NRK: variants seen among roughly 807,000 people sequenced by gnomAD.
NRK encodes nik-related protein kinase.
NRK carries 67 observed loss-of-function variants against 125.2 expected under a neutral mutation model. The ratio of observed to expected loss-of-function variants is 0.54; its 90% CI spans 0.44 to 0.66. NRK has a LOEUF of 0.66. NRK is among the 30% of genes least tolerant of loss of function. The pLI, the probability that NRK is intolerant of heterozygous loss-of-function variation, is 0.00. For missense variants in NRK, 1,224 were observed against 1,192.9 expected (o/e 1.03, Z -0.38); for synonymous variants, 458 against 429.0 (o/e 1.07, Z -0.84).
intron 8 of NRK, among the ~76,000 whole-genome samples, chrX:105,899,610 C>T (rs1466014002): frequency 9.0e-6 from 1 of 111,686 alleles, no homozygotes; most frequent in East Asian, 2.8e-4. Flanking sequence ...AGGACTTTCA[C>T]CTGTATTCGT....
chrX:105,955,683 T>A lies in NRK; in HGVS notation c.*83T>A. 6.1e-6 allele frequency: 3 copies of A among 494,144 alleles called. No homozygotes were observed. In the South Asian group the frequency reaches 1.0e-4, roughly 17 times the overall value. 40.7% of individuals were successfully genotyped at this position (494,144 alleles called of 1,213,427 possible). On this transcript the variant is annotated 3_prime_UTR_variant, in exon 29 of 29. Coordinates refer to ENST00000243300, the MANE Select transcript of NRK (RefSeq NM_198465.4). ...TCAGATTTCAGAGATTAAATGAGTA[T>A]TCAGTTTTATTTTTAGTAAAGATTA...
In NRK at chrX:105,906,600, T is replaced by C; in HGVS notation, c.1021+11T>C. The stretch of plus-strand genomic sequence containing the variant: ...AAAGACAGAAAAAAGGTAGAATCTG[T>C]TAAGTTTTATTTTACTGAAATGAAT... On this transcript the variant is annotated intron_variant, in intron 11 of 28. Transcript: ENST00000243300. 1 of 924,077 alleles carries C rather than the reference T, an allele frequency of 1.1e-6. No individual in the cohort carries two copies. Among genetic ancestry groups the C allele is most frequent in the Non-Finnish European group, 1.5e-6 (1 of 679,895 alleles). The allele number at this position is 924,077 out of a possible 1,213,427, so 76.2% of individuals were successfully genotyped here.
At position 105,909,470 on chromosome X, in the gene NRK, T is replaced by C. The variant is rs767945338; in HGVS notation, c.1829T>C (p.Ile610Thr). 2.5e-6 allele frequency: 3 copies of C among 1,209,940 alleles called. No individual in the cohort carries two copies. In the East Asian group the frequency reaches 8.9e-5, roughly 36 times the overall value. Residue 610 changes from isoleucine to threonine, a missense_variant, in exon 13 of 29, where the codon ATT becomes ACT. Transcript: ENST00000243300. ...LPLHLDTQVLIPVEGQTEGSP... is the reference protein window; with the variant it reads ...LPLHLDTQVLTPVEGQTEGSP... The stretch of plus-strand genomic sequence containing the variant: ...CTACATTTGGATACTCAGGTGCTCA[T>C]TCCAGTAGAGGGGCAAACTGAAGGA...
chrX:105,840,550 A>G (rs2039318076), intron 2 of NRK, among the ~76,000 whole-genome samples: 1 of 111,467 alleles, frequency 9.0e-6, no homozygotes, highest in African/African-American at 3.2e-5. Context: ...AGATAAAAAC[A>G]TCCCAATTAT....
chrX:105,939,743 G>A, intron 22 of NRK, 131 bp from the exon 23 acceptor site: 3 of 411,047 alleles, frequency 7.3e-6, no homozygotes, highest in Non-Finnish European at 4.2e-6. Context: ...CTGATGCAAT[G>A]CAGTTTTTTT....
chrX:105,929,028 G>A (rs1459533364), intron 19 of NRK, among the ~76,000 whole-genome samples: 3 of 111,636 alleles, frequency 2.7e-5, no homozygotes, highest in Non-Finnish European at 5.7e-5. Context: ...TAAATCCAAT[G>A]TTTCTTTGTT....
At chrX:105,859,150 C>A (rs192722558) in intron 2 of NRK, among the ~76,000 whole-genome samples, 2 of 111,530 alleles carry the variant, frequency 1.8e-5, no homozygotes, top group Admixed American at 9.5e-5. Context: ...AAATAGATCT[C>A]TTTCAGTTAG....
chrX:105,942,724 T>C (rs759840362), intron 23 of NRK, among the ~76,000 whole-genome samples: 24 of 111,433 alleles, frequency 2.2e-4, no homozygotes, highest in African/African-American at 7.5e-4. Flanking sequence ...GTTCAAGATA[T>C]TCTCCTGCCT....
intron 2 of NRK, among the ~76,000 whole-genome samples, chrX:105,840,158 T>C (rs1311833858): frequency 9.0e-6 from 1 of 111,687 alleles, no homozygotes; most frequent in Non-Finnish European, 1.9e-5. Context: ...CTTTTTCTTA[T>C]TATGTTATAC....
At chrX:105,853,127 C>T (rs1805406039) in intron 2 of NRK, among the ~76,000 whole-genome samples, 1 of 111,608 alleles carries the variant, frequency 9.0e-6, no homozygotes, top group African/African-American at 3.3e-5. Flanking sequence ...TCTACTTTCA[C>T]ATGTTAATTC....
At chrX:105,941,596 C>T (rs1411901874) in intron 23 of NRK, among the ~76,000 whole-genome samples, 8 of 82,836 alleles carry the variant, frequency 9.7e-5, no homozygotes, top group African/African-American at 3.3e-4. Flanking sequence ...AGAGAGAATG[C>T]GTAGGGATGG....
intron 2 of NRK, among the ~76,000 whole-genome samples, chrX:105,847,451 G>T (rs1419401312): frequency 8.9e-6 from 1 of 112,355 alleles, no homozygotes; most frequent in Non-Finnish European, 1.9e-5. Flanking sequence ...AAATTTTCTA[G>T]TAGCTAGCTT....
intron 1 of NRK, among the ~76,000 whole-genome samples, chrX:105,828,548 T>C (rs2039145149): frequency 8.9e-6 from 1 of 112,249 alleles, no homozygotes; most frequent in Admixed American, 9.5e-5. Flanking sequence ...TATGGTATCT[T>C]TTCCAGCTAA....
intron 19 of NRK, among the ~76,000 whole-genome samples, chrX:105,929,333 A>G (rs189423750): frequency 5.4e-5 from 6 of 111,866 alleles, no homozygotes; most frequent in African/African-American, 1.9e-4. Flanking sequence ...TTCTGTTTAC[A>G]TGGAATATCT....
In NRK at chrX:105,822,740, C is replaced by G. The variant is rs1288366462; in HGVS notation, c.-106C>G. 2.6e-6 allele frequency: 2 copies of G among 762,850 alleles called. No individual in the cohort carries two copies. Among genetic ancestry groups the G allele is most frequent in the African/African-American group, 4.2e-5 (2 of 48,059 alleles). The allele number at this position is 762,850 out of a possible 1,213,427, so 62.9% of individuals were successfully genotyped here. A position where few individuals can be genotyped will look rare whatever the true frequency, so the allele number is the denominator to read the frequency against. ...CCCCGATCCCCAGACTCCTCTCTCCCGCCCTCCTCCTTCCTCTCTCCTCCC... is the reference window on the plus strand; with the variant it reads ...CCCCGATCCCCAGACTCCTCTCTCCGGCCCTCCTCCTTCCTCTCTCCTCCC... On this transcript the variant is annotated 5_prime_UTR_variant, in exon 1 of 29. Transcript: ENST00000243300.
At chrX:105,901,950 A>C in intron 9 of NRK, among the ~76,000 whole-genome samples, 1 of 110,511 alleles carries the variant, frequency 9.0e-6, no homozygotes, top group East Asian at 2.9e-4. Context: ...GCAGCAACTA[A>C]TATTTCATAT....
intron 17 of NRK, 146 bp downstream of exon 17, chrX:105,922,207 T>G: frequency 2.8e-6 from 1 of 361,789 alleles, no homozygotes; most frequent in South Asian, 7.1e-5. Flanking sequence ...CATTGCTTTG[T>G]GAATACATAG....
At chrX:105,840,779 T>G (rs1463729206) in intron 2 of NRK, among the ~76,000 whole-genome samples, 2 of 110,588 alleles carry the variant, frequency 1.8e-5, no homozygotes, top group Admixed American at 1.9e-4. Context: ...AATGTACTTT[T>G]TAATATATCA....
chrX:105,940,982 C>G (rs752104565), intron 23 of NRK, among the ~76,000 whole-genome samples: 2 of 111,328 alleles, frequency 1.8e-5, no homozygotes, highest in Non-Finnish European at 3.8e-5. Flanking sequence ...AAATGAGTAC[C>G]CAGATAATTT....
Sources: gnomAD v4.1 joint callset for allele counts (sites outside exome capture counted in the v4.1 genomes callset) on GRCh38, gnomAD v4.1.1 for gene constraint, MANE v1.5 for transcripts, NCBI Gene and HGNC (gene_info 2026-07-23, HGNC 2026-07-21) for gene names.